Variants in LNX1 observed in about 807,000 individuals in gnomAD.
The protein encoded by LNX1 is ligand of numb-protein X 1, also known as E3 ubiquitin-protein ligase LNX.
Under a neutral mutation model 68.4 loss-of-function variants are expected in LNX1, and 54 were observed. The ratio of observed to expected loss-of-function variants is 0.79; its 90% CI spans 0.63 to 0.99. The LOEUF is 0.99. Among genes scored for constraint, LNX1 ranks in the 50% least tolerant of loss-of-function variants. The pLI is 0.00. For synonymous variants in LNX1, 336 were observed against 350.0 expected, an observed-to-expected ratio of 0.96 and a Z score of 0.45; for missense variants, 906 against 926.4, an observed-to-expected ratio of 0.98 and a Z score of 0.29.
At chr4:53,645,587 C>G (rs1031777175) in intron 1 of LNX1, among the ~76,000 whole-genome samples, 1 of 152,198 alleles carries the variant, frequency 6.6e-6, no homozygotes, top group Admixed American at 6.5e-5. Context: ...TTCTCTCTAA[C>G]CAGCTCAGAA....
At chr4:53,609,387 T>C (rs1228431531) in intron 2 of LNX1, among the ~76,000 whole-genome samples, 2 of 151,636 alleles carry the variant, frequency 1.3e-5, no homozygotes, top group South Asian at 2.1e-4. Context: ...CAGAACAATA[T>C]GTTTTAACCC....
intron 2 of LNX1, among the ~76,000 whole-genome samples, chr4:53,541,160 G>GAAAGA (rs568447603): frequency 2.0e-5 from 3 of 146,492 alleles, no homozygotes; most frequent in South Asian, 2.2e-4. Flanking sequence ...AAAAAAAAAA[G>GAAAGA]AAAGAAAAGA....
At chr4:53,531,781 A>G (rs1252291985) in intron 2 of LNX1, among the ~76,000 whole-genome samples, 1 of 152,210 alleles carries the variant, frequency 6.6e-6, no homozygotes, top group African/African-American at 2.4e-5. Flanking sequence ...TTGACATCAG[A>G]TCATAATTGC....
At chr4:53,620,621 G>C (rs1415600593), upstream of LNX1, among the ~76,000 whole-genome samples, 3 of 152,162 alleles carry the variant, frequency 2.0e-5, no homozygotes, top group Non-Finnish European at 4.4e-5. Flanking sequence ...TCCACTGATG[G>C]ATGCACTGAA....
chr4:53,481,967 G>T, intron 6 of LNX1, 113 bp from the exon 7 acceptor site: 1 of 1,304,690 alleles, frequency 7.7e-7, no homozygotes, highest in Non-Finnish European at 1.0e-6. Context: ...GGCAAAACAT[G>T]ATTTCTAGTT....
rs149379569 is a variant in LNX1 at position 53,625,128 on chromosome 4, G to GA, written c.-215+27039dup. On this transcript the variant is annotated intron_variant, in intron 1 of 2. Coordinates refer to the LNX1 transcript ENST00000507168. ...AGAGCAAAAGCTGTGAAACTCTTGG[G>GA]AAAAAACATAAGAGTAAATCTTTGT... 5.8e-3 allele frequency among the ~76,000 whole-genome samples: 888 copies of GA among 152,214 alleles called. 9 individuals carry two copies. The highest frequency in any genetic ancestry group is 0.02 in the African/African-American group (848 of 41,542).
At chr4:53,466,171 ATAT>A (rs1722664565) in intron 9 of LNX1, among the ~76,000 whole-genome samples, 1 of 151,958 alleles carries the variant, frequency 6.6e-6, no homozygotes, top group East Asian at 1.9e-4. Context: ...AAAAAATCAC[ATAT>A]TATTTGGAAT....
At chr4:53,618,286 G>GAA (rs1733751234), upstream of LNX1, among the ~76,000 whole-genome samples, 3 of 152,064 alleles carry the variant, frequency 2.0e-5, no homozygotes, top group Admixed American at 1.3e-4. Flanking sequence ...TTGAGCCTTG[G>GAA]GAAAAGAGTA....
At position 53,528,765 on chromosome 4, in the gene LNX1, A is replaced by T. The variant is rs137982939; in HGVS notation, c.381-20538T>A. Among the ~76,000 whole-genome samples the T allele has an allele frequency of 8.7e-3, 1,325 of 152,226 alleles. 13 individuals are homozygous for T. The highest frequency in any genetic ancestry group is 0.014 in the Non-Finnish European group (955 of 68,018). On this transcript the variant is annotated intron_variant, in intron 2 of 10. Coordinates refer to ENST00000263925, the MANE Select transcript of LNX1 (RefSeq NM_001126328.3). Reference sequence around the variant, plus strand: ...TGGCCTAAACAAACTGGGTAAGTTTACCTACCCTGGCACCATCTCCCTGGA... The same window carrying T: ...TGGCCTAAACAAACTGGGTAAGTTTTCCTACCCTGGCACCATCTCCCTGGA...
At chr4:53,484,243 A>G (rs1724138979) in intron 6 of LNX1, among the ~76,000 whole-genome samples, 1 of 152,218 alleles carries the variant, frequency 6.6e-6, no homozygotes, top group Non-Finnish European at 1.5e-5. Flanking sequence ...CCTTTTCTGC[A>G]TCTTCATTCC....
At chr4:53,642,632 C>T (rs942843364) in intron 1 of LNX1, among the ~76,000 whole-genome samples, 3 of 152,188 alleles carry the variant, frequency 2.0e-5, no homozygotes, top group Non-Finnish European at 2.9e-5. Context: ...TCTGGGTGTA[C>T]ACAGATTTTC....
chr4:53,463,857 T>G (rs1403017806), intron 9 of LNX1, among the ~76,000 whole-genome samples: 2 of 152,094 alleles, frequency 1.3e-5, no homozygotes, highest in Non-Finnish European at 2.9e-5. Flanking sequence ...ATATTACTAA[T>G]TTAGTCAATA....
intron 9 of LNX1, among the ~76,000 whole-genome samples, chr4:53,463,915 A>G (rs910264315): frequency 2.0e-5 from 3 of 152,142 alleles, no homozygotes; most frequent in African/African-American, 4.8e-5. Flanking sequence ...ACTACAAAAA[A>G]CACTAAGGCA....
At chr4:53,571,407 G>A (rs922386227) in intron 2 of LNX1, among the ~76,000 whole-genome samples, 20 of 152,070 alleles carry the variant, frequency 1.3e-4, no homozygotes, top group African/African-American at 4.6e-4. Context: ...GAGGGAGGCA[G>A]GAGTCTCAGA....
intron 6 of LNX1, among the ~76,000 whole-genome samples, chr4:53,489,906 C>T (rs1484284535): frequency 6.6e-6 from 1 of 151,850 alleles, no homozygotes; most frequent in Non-Finnish European, 1.5e-5. Context: ...AAAAAAAATA[C>T]AGATCTATCA....
chr4:53,606,715 CT>C (rs1314019414), intron 2 of LNX1, among the ~76,000 whole-genome samples: 1 of 152,168 alleles, frequency 6.6e-6, no homozygotes, highest in African/African-American at 2.4e-5. Context: ...CAATAAAATA[CT>C]GGCAAACTGA....
intron 1 of LNX1, among the ~76,000 whole-genome samples, chr4:53,645,826 A>G (rs1049177284): frequency 2.6e-5 from 4 of 152,204 alleles, no homozygotes; most frequent in African/African-American, 7.2e-5. Context: ...TTTTGAATGA[A>G]TATCTGAAAC....
chr4:53,541,150 A>G (rs1320452021), intron 2 of LNX1, among the ~76,000 whole-genome samples: 2 of 133,572 alleles, frequency 1.5e-5, no homozygotes, highest in Middle Eastern at 4.1e-3. Context: ...AAAAAAAGAA[A>G]AAAAAAAAAG....
chr4:53,497,148 G>T (rs570676500), intron 5 of LNX1, among the ~76,000 whole-genome samples: 1 of 152,318 alleles, frequency 6.6e-6, no homozygotes, highest in African/African-American at 2.4e-5. Context: ...ACAAGCTTAA[G>T]CTCGGCCCTC....
Sources: allele counts gnomAD v4.1 joint callset (sites outside exome capture counted in the v4.1 genomes callset), GRCh38; gene constraint gnomAD v4.1.1; transcripts MANE v1.5; gene names NCBI Gene and HGNC (gene_info 2026-07-23, HGNC 2026-07-21).